Variants in DNER observed in about 807,000 individuals in gnomAD.
DNER encodes delta/notch like EGF repeat containing, also known as delta and Notch-like epidermal growth factor-related receptor.
DNER carries 33 observed loss-of-function variants against 78.2 expected under a neutral mutation model. The ratio of observed to expected loss-of-function variants is 0.42; its 90% CI spans 0.32 to 0.56. The LOEUF (loss-of-function observed/expected upper bound fraction) is 0.56, where lower values mean the gene tolerates loss of function less well. DNER is among the 20% of genes least tolerant of loss of function. The probability of loss-of-function intolerance (pLI) is 0.11; values close to 1 mark genes in which losing one functional copy is unlikely to be tolerated. For missense variants in DNER, 918 were observed against 975.3 expected, an observed-to-expected ratio of 0.94 and a Z score of 0.78; for synonymous variants, 417 against 384.8, an observed-to-expected ratio of 1.08 and a Z score of -0.98.
Position 229,575,065 on chromosome 2 carries a change from T to C in DNER, c.847+10793A>G, listed in dbSNP as rs1697274188. Among the ~76,000 whole-genome samples the C allele has an allele frequency of 3.3e-5, 5 of 152,280 alleles. No individual in the cohort carries two copies. The South Asian group carries it at 1.0e-3, about 32-fold the overall frequency. On this transcript the variant is annotated intron_variant, in intron 4 of 12. Coordinates refer to ENST00000341772, the MANE Select transcript of DNER (RefSeq NM_139072.4). ...ATTATTAAGGGATAAAGTATTTCTT[T>C]CTAGAATTAAGAAGAAATGCTTTAA... is the stretch of plus-strand genomic sequence containing the variant.
chr2:229,708,555 T>C (rs1330871491), intron 1 of DNER, among the ~76,000 whole-genome samples: 1 of 152,224 alleles, frequency 6.6e-6, no homozygotes, highest in Non-Finnish European at 1.5e-5. Context: ...GTTAAGCAGC[T>C]CTGACCACAG....
At chr2:229,472,442 C>G (rs1261763033) in intron 7 of DNER, among the ~76,000 whole-genome samples, 3 of 152,012 alleles carry the variant, frequency 2.0e-5, no homozygotes, top group Non-Finnish European at 4.4e-5. Context: ...TATGGGTATT[C>G]TACTTCAAAT....
chr2:229,403,561 T>C (rs569745927), intron 10 of DNER, among the ~76,000 whole-genome samples: 82 of 152,240 alleles, frequency 5.4e-4, no homozygotes, highest in Non-Finnish European at 9.3e-4. Flanking sequence ...TAGGAACTAT[T>C]CTGTGGTCCT....
chr2:229,468,033 G>A (rs182146550), intron 7 of DNER, among the ~76,000 whole-genome samples: 42 of 152,296 alleles, frequency 2.8e-4, no homozygotes, highest in East Asian at 1.4e-3. Flanking sequence ...TGAACCTTCC[G>A]TTTCAGTCCA....
intron 11 of DNER, among the ~76,000 whole-genome samples, chr2:229,373,794 A>G (rs765794454): frequency 2.6e-5 from 4 of 152,214 alleles, no homozygotes; most frequent in African/African-American, 9.6e-5. Flanking sequence ...TTGCAGCAAT[A>G]TGGATGCAGT....
intron 1 of DNER, among the ~76,000 whole-genome samples, chr2:229,655,748 A>G (rs1194893079): frequency 1.3e-5 from 2 of 152,146 alleles, no homozygotes; most frequent in African/African-American, 2.4e-5. Flanking sequence ...AAGGATTTGC[A>G]GAGGAAATCA....
intron 1 of DNER, among the ~76,000 whole-genome samples, chr2:229,640,714 G>T (rs1048047328): frequency 5.0e-4 from 76 of 152,232 alleles, no homozygotes; most frequent in African/African-American, 1.6e-3. Context: ...ATGGCAGAGG[G>T]TTCACTGGAG....
At chr2:229,475,923 G>A (rs371840971) in intron 7 of DNER, among the ~76,000 whole-genome samples, 9 of 152,320 alleles carry the variant, frequency 5.9e-5, no homozygotes, top group Non-Finnish European at 7.4e-5. Context: ...AACCAAGGGC[G>A]TGACAGAGCT....
chr2:229,671,488 T>A (rs78527842), intron 1 of DNER, among the ~76,000 whole-genome samples: 5,697 of 152,302 alleles, frequency 0.037, 166 homozygotes, highest in Non-Finnish European at 0.058. Context: ...CTACCTGCTA[T>A]TTTCTTGTTT....
chr2:229,564,795 A>T (rs546555938), intron 4 of DNER, among the ~76,000 whole-genome samples: 16 of 152,270 alleles, frequency 1.1e-4, no homozygotes, highest in Admixed American at 3.3e-4. Context: ...GTCCTGGCTT[A>T]TTGAGTTTGG....
chr2:229,552,583 T>G (rs2154213382), intron 4 of DNER, among the ~76,000 whole-genome samples: 1 of 152,258 alleles, frequency 6.6e-6, no homozygotes, highest in South Asian at 2.1e-4. Flanking sequence ...TTTCCCCCTT[T>G]TTCTCAGCAC....
chr2:229,657,214 C>G (rs1244289142), intron 1 of DNER, among the ~76,000 whole-genome samples: 1 of 151,924 alleles, frequency 6.6e-6, no homozygotes, highest in Non-Finnish European at 1.5e-5. Context: ...TTTTTAGACT[C>G]TACCTATAAG....
chr2:229,628,149 A>G (rs1292904963), intron 1 of DNER, among the ~76,000 whole-genome samples: 1 of 152,090 alleles, frequency 6.6e-6, no homozygotes, highest in Non-Finnish European at 1.5e-5. Flanking sequence ...TCCAAAAACC[A>G]CCATGCTGGG....
chr2:229,472,484 T>G (rs181098971), intron 7 of DNER, among the ~76,000 whole-genome samples: 2 of 152,224 alleles, frequency 1.3e-5, no homozygotes, highest in African/African-American at 4.8e-5. Context: ...ATTAAGATAC[T>G]GATAATGGCT....
intron 6 of DNER, among the ~76,000 whole-genome samples, chr2:229,489,411 T>C (rs576356979): frequency 6.6e-6 from 1 of 151,578 alleles, no homozygotes; most frequent in African/African-American, 2.4e-5. Flanking sequence ...TGATAGAAAC[T>C]AGGGATGCAT....
chr2:229,676,470 G>A (rs527498859), intron 1 of DNER, among the ~76,000 whole-genome samples: 3 of 152,144 alleles, frequency 2.0e-5, no homozygotes, highest in Admixed American at 6.5e-5. Context: ...AGAAATAATC[G>A]CCTGGTTATA....
intron 6 of DNER, among the ~76,000 whole-genome samples, chr2:229,494,839 G>A (rs940414790): frequency 9.9e-5 from 15 of 152,138 alleles, no homozygotes; most frequent in African/African-American, 3.6e-4. Flanking sequence ...CAAGAAGTCC[G>A]ACAGCCTTCC....
chr2:229,563,038 C>T (rs1696992318), intron 4 of DNER, among the ~76,000 whole-genome samples: 2 of 150,662 alleles, frequency 1.3e-5, no homozygotes, highest in Admixed American at 1.3e-4. Flanking sequence ...TCCTCCTCAC[C>T]CCATCACCAA....
In DNER at chr2:229,457,375, A is replaced by G. The variant is rs140212448; in HGVS notation, c.1262-9835T>C. Among the ~76,000 whole-genome samples, 778 of 152,166 alleles carry G rather than the reference A, an allele frequency of 5.1e-3. 19 individuals are homozygous for G. The highest frequency in any genetic ancestry group is 0.018 in the African/African-American group (746 of 41,440). On this transcript the variant is annotated intron_variant, in intron 7 of 12. Coordinates refer to ENST00000341772, the MANE Select transcript of DNER (RefSeq NM_139072.4). ...GAATATACATAACAAGAGAACAAAT[A>G]ATAAGGGAAGTTAATAGAATTTTAC...
Sources: gnomAD v4.1 joint callset for allele counts (sites outside exome capture counted in the v4.1 genomes callset) on GRCh38, gnomAD v4.1.1 for gene constraint, MANE v1.5 for transcripts, NCBI Gene and HGNC (gene_info 2026-07-23, HGNC 2026-07-21) for gene names.